Variants in FAM174A observed in about 807,000 individuals in gnomAD.
FAM174A encodes the protein family with sequence similarity 174 member A.
In FAM174A, 14 loss-of-function variants were observed where a neutral mutation model predicts 14.3. The observed-to-expected ratio is 0.98, with a 90% confidence interval of 0.65 to 1.53. The LOEUF (loss-of-function observed/expected upper bound fraction) is 1.53. FAM174A is among the 40% of genes most tolerant of loss of function. The pLI, the probability that FAM174A is intolerant of heterozygous loss-of-function variation, is 0.00. For missense variants in FAM174A, 241 were observed against 249.6 expected (o/e 0.97, Z 0.23); for synonymous variants, 108 against 111.4 (o/e 0.97, Z 0.19).
chr5:100,570,664 A>C (rs915307654), intron 2 of FAM174A, among the ~76,000 whole-genome samples: 1 of 151,980 alleles, frequency 6.6e-6, no homozygotes, highest in African/African-American at 2.4e-5. Flanking sequence ...AGATGGCCAA[A>C]GATTGCAGAG....
intron 1 of FAM174A, among the ~76,000 whole-genome samples, chr5:100,554,325 T>C (rs1746320023): frequency 6.9e-6 from 1 of 143,998 alleles, no homozygotes; most frequent in Non-Finnish European, 1.5e-5. Flanking sequence ...TTTTTTTTTT[T>C]TTTTTTTTGA....
chr5:100,585,272 T>C (rs1747105416), intron 2 of FAM174A, among the ~76,000 whole-genome samples: 2 of 152,224 alleles, frequency 1.3e-5, no homozygotes, highest in African/African-American at 2.4e-5. Flanking sequence ...GCACCATGTA[T>C]AGTCTGTGCT....
At chr5:100,566,140 T>TTATATA (rs1580373368) in intron 2 of FAM174A, among the ~76,000 whole-genome samples, 4 of 8,078 alleles carry the variant, frequency 5.0e-4, no homozygotes, top group African/African-American at 6.1e-4. Flanking sequence ...TTGAAAAGTA[T>TTATATA]GATATATATA....
chr5:100,543,652 C>T (rs1746109564), intron 1 of FAM174A, among the ~76,000 whole-genome samples: 1 of 152,060 alleles, frequency 6.6e-6, no homozygotes, highest in Non-Finnish European at 1.5e-5. Flanking sequence ...GGGAGTGGCA[C>T]AGTCTTAGCT....
chr5:100,582,579 G>T (rs1162908726), intron 2 of FAM174A, among the ~76,000 whole-genome samples: 3 of 151,650 alleles, frequency 2.0e-5, no homozygotes, highest in Non-Finnish European at 4.4e-5. Context: ...TAGTAAAGTT[G>T]TATAATTAGA....
chr5:100,574,562 G>A (rs247944), intron 2 of FAM174A, among the ~76,000 whole-genome samples: 86,510 of 151,970 alleles, frequency 0.57, 27,126 homozygotes, highest in African/African-American at 0.82. Flanking sequence ...TTTATTTGAA[G>A]TTACTAAGTC....
At chr5:100,548,263 T>C (rs1746199091) in intron 1 of FAM174A, among the ~76,000 whole-genome samples, 1 of 152,146 alleles carries the variant, frequency 6.6e-6, no homozygotes, top group Admixed American at 6.6e-5. Flanking sequence ...ATCATGGTTC[T>C]GTTAAGCCAG....
At chr5:100,553,432 G>A (rs1746303718) in intron 1 of FAM174A, among the ~76,000 whole-genome samples, 1 of 151,910 alleles carries the variant, frequency 6.6e-6, no homozygotes, top group Non-Finnish European at 1.5e-5. Context: ...TATTATAGTT[G>A]ATGTTTTTAT....
intron 2 of FAM174A, 81 bp from the exon 3 acceptor site, chr5:100,586,100 C>A: frequency 2.8e-6 from 2 of 723,946 alleles, no homozygotes. Context: ...CCTTCCCCTC[C>A]AAATCTTTCT....
intron 2 of FAM174A, among the ~76,000 whole-genome samples, chr5:100,582,031 A>G (rs1045222174): frequency 8.5e-5 from 13 of 152,194 alleles, no homozygotes; most frequent in African/African-American, 3.1e-4. Flanking sequence ...GGTCTCATAT[A>G]TAGTCAAGTT....
intron 1 of FAM174A, among the ~76,000 whole-genome samples, chr5:100,545,065 A>G (rs114905746): frequency 6.6e-6 from 1 of 152,186 alleles, no homozygotes; most frequent in African/African-American, 2.4e-5. Flanking sequence ...CTCTACTCCT[A>G]CACTTCAAAG....
chr5:100,562,767 A>G (rs1746555088), intron 2 of FAM174A, among the ~76,000 whole-genome samples: 1 of 151,834 alleles, frequency 6.6e-6, no homozygotes, highest in Non-Finnish European at 1.5e-5. Context: ...CTGATCATGT[A>G]GCTGTAATAT....
At chr5:100,561,134 T>G (rs550363698) in intron 1 of FAM174A, among the ~76,000 whole-genome samples, 1 of 152,014 alleles carries the variant, frequency 6.6e-6, no homozygotes, top group African/African-American at 2.4e-5. Flanking sequence ...GGTAAATGAT[T>G]TGAAGGAAAA....
At chr5:100,560,865 T>C (rs1746509137) in intron 1 of FAM174A, among the ~76,000 whole-genome samples, 1 of 152,064 alleles carries the variant, frequency 6.6e-6, no homozygotes, top group Non-Finnish European at 1.5e-5. Flanking sequence ...TTTTGCTGTC[T>C]GTGGAGTTGA....
intron 1 of FAM174A, among the ~76,000 whole-genome samples, chr5:100,545,169 C>T (rs1202061714): frequency 2.0e-5 from 3 of 152,222 alleles, no homozygotes; most frequent in South Asian, 4.1e-4. Context: ...TTGGTGAAGA[C>T]TACATTTAAA....
At chr5:100,548,591 G>A (rs1263465673) in intron 1 of FAM174A, among the ~76,000 whole-genome samples, 1 of 152,032 alleles carries the variant, frequency 6.6e-6, no homozygotes, top group Non-Finnish European at 1.5e-5. Context: ...TTAAAACTCA[G>A]ACTCAGTAGT....
At chr5:100,580,138 G>A (rs967511512) in intron 2 of FAM174A, among the ~76,000 whole-genome samples, 2 of 152,144 alleles carry the variant, frequency 1.3e-5, no homozygotes, top group African/African-American at 4.8e-5. Flanking sequence ...TGACAACAAT[G>A]CAAAGAGCTT....
Position 100,535,376 on chromosome 5 carries a change from C to T in FAM174A, c.-155C>T, listed in dbSNP as rs1745915674. 4 of 752,010 alleles carry T rather than the reference C, an allele frequency of 5.3e-6. No individual in the cohort carries two copies. Among genetic ancestry groups the T allele is most frequent in the Non-Finnish European group, 8.7e-6 (4 of 460,600 alleles). 46.6% of individuals were successfully genotyped at this position (752,010 alleles called of 1,614,324 possible). On this transcript the variant is annotated 5_prime_UTR_variant, in exon 1 of 3. Transcript: ENST00000312637. ...TACGAACTTCCGGTTCTCCGGGCAG[C>T]TGCCACTGCTGTAGCTTCTGCCACC...
intron 2 of FAM174A, among the ~76,000 whole-genome samples, chr5:100,576,496 A>T (rs939805784): frequency 6.6e-6 from 1 of 152,198 alleles, no homozygotes; most frequent in African/African-American, 2.4e-5. Context: ...GTTTCCCTAA[A>T]GTCCTCCAAC....
Sources: gnomAD v4.1 joint callset for allele counts (sites outside exome capture counted in the v4.1 genomes callset) on GRCh38, gnomAD v4.1.1 for gene constraint, MANE v1.5 for transcripts, NCBI Gene and HGNC (gene_info 2026-07-23, HGNC 2026-07-21) for gene names.